The following RBMS3 variants were observed in gnomAD, a reference collection of about 807,000 sequenced individuals.
RBMS3 encodes RNA binding motif single stranded interacting protein 3, also known as RNA-binding motif, single-stranded-interacting protein 3.
In RBMS3, 27 loss-of-function variants were observed where a neutral mutation model predicts 66.8. That is an observed-to-expected ratio of 0.40 (90% CI 0.30 to 0.56). RBMS3 has a LOEUF of 0.56. Among genes scored for constraint, RBMS3 ranks in the 20% least tolerant of loss-of-function variants. The pLI, the probability that RBMS3 is intolerant of heterozygous loss-of-function variation, is 0.40. For synonymous variants in RBMS3, 188 were observed against 183.0 expected (o/e 1.03, Z -0.22); for missense variants, 513 against 549.5 (o/e 0.93, Z 0.66).
At chr3:29,830,049 A>G (rs1357887982) in intron 6 of RBMS3, among the ~76,000 whole-genome samples, 1 of 151,972 alleles carries the variant, frequency 6.6e-6, no homozygotes, top group Non-Finnish European at 1.5e-5. Flanking sequence ...AGAGAACACT[A>G]TTTTGTTAGC....
At chr3:29,925,470 G>A (rs1287771389) in intron 10 of RBMS3, among the ~76,000 whole-genome samples, 1 of 152,122 alleles carries the variant, frequency 6.6e-6, no homozygotes, top group Admixed American at 6.5e-5. Flanking sequence ...ATGGGTAAAG[G>A]CAGAAATCGT....
intron 1 of RBMS3, among the ~76,000 whole-genome samples, chr3:29,389,332 G>GA (rs1174594887): frequency 3.3e-5 from 5 of 152,104 alleles, no homozygotes; most frequent in Non-Finnish European, 7.4e-5. Flanking sequence ...ACTTAATGAG[G>GA]AAAAAATGGG....
At chr3:29,564,326 A>C (rs921783352) in intron 3 of RBMS3, among the ~76,000 whole-genome samples, 15 of 151,988 alleles carry the variant, frequency 9.9e-5, no homozygotes, top group African/African-American at 3.6e-4. Context: ...AAATACAAAA[A>C]ATACAAAAAA....
At chr3:29,453,576 C>T (rs2042081283) in intron 2 of RBMS3, among the ~76,000 whole-genome samples, 1 of 152,182 alleles carries the variant, frequency 6.6e-6, no homozygotes, top group Non-Finnish European at 1.5e-5. Context: ...CTCTTCCAGC[C>T]TCATGGTGGG....
chr3:29,835,091 A>C (rs1431896080), intron 6 of RBMS3, among the ~76,000 whole-genome samples: 1 of 152,080 alleles, frequency 6.6e-6, no homozygotes, highest in African/African-American at 2.4e-5. Context: ...GGACATAACA[A>C]TTGTAAATTT....
intron 4 of RBMS3, among the ~76,000 whole-genome samples, chr3:29,698,800 T>C (rs774094124): frequency 4.5e-4 from 69 of 152,160 alleles, no homozygotes; most frequent in Non-Finnish European, 7.2e-4. Flanking sequence ...TTGGATGTAA[T>C]TACACATTTT....
intron 2 of RBMS3, among the ~76,000 whole-genome samples, chr3:29,457,048 C>T (rs897033141): frequency 6.6e-5 from 10 of 152,256 alleles, no homozygotes; most frequent in Admixed American, 6.5e-4. Context: ...CAGCCATGCT[C>T]AGAGTCACAC....
intron 4 of RBMS3, among the ~76,000 whole-genome samples, chr3:29,639,921 G>A (rs1280647742): frequency 1.3e-5 from 2 of 151,650 alleles, no homozygotes; most frequent in Non-Finnish European, 2.9e-5. Context: ...AGATGACGGG[G>A]AGATATAAAA....
At chr3:29,699,695 T>C (rs1019482778) in intron 4 of RBMS3, among the ~76,000 whole-genome samples, 16 of 152,164 alleles carry the variant, frequency 1.1e-4, no homozygotes, top group African/African-American at 3.9e-4. Context: ...GTCCGCATAG[T>C]ATGGTAATAT....
intron 1 of RBMS3, among the ~76,000 whole-genome samples, chr3:29,380,286 T>C (rs1359188715): frequency 6.6e-6 from 1 of 151,980 alleles, no homozygotes; most frequent in African/African-American, 2.4e-5. Flanking sequence ...GGACATTTCT[T>C]AAAAATATCC....
At chr3:29,467,646 C>T (rs2042587154) in intron 2 of RBMS3, among the ~76,000 whole-genome samples, 1 of 152,130 alleles carries the variant, frequency 6.6e-6, no homozygotes, top group Non-Finnish European at 1.5e-5. Context: ...AAAAGCCAAG[C>T]TTAGAGTATA....
In RBMS3 at chr3:29,838,628, G is replaced by A. The variant is rs573346106; in HGVS notation, c.638-30230G>A. Reference sequence around the variant, plus strand: ...CATAAGACCATCTGAGACATTTGTCGCACATTTAACGCTGGAGGGTTTTAA... The same window carrying A: ...CATAAGACCATCTGAGACATTTGTCACACATTTAACGCTGGAGGGTTTTAA... On this transcript the variant is annotated intron_variant, in intron 6 of 14. Coordinates refer to ENST00000383767, the MANE Select transcript of RBMS3 (RefSeq NM_001003793.3). Among the ~76,000 whole-genome samples the A allele has an allele frequency of 9.8e-4, 149 of 152,144 alleles. 3 individuals are homozygous for A. The highest frequency in any genetic ancestry group is 2.1e-3 in the South Asian group (10 of 4,812).
chr3:29,848,233 A>G (rs1274123232), intron 6 of RBMS3, among the ~76,000 whole-genome samples: 1 of 152,210 alleles, frequency 6.6e-6, no homozygotes, highest in Admixed American at 6.5e-5. Context: ...GCACCTGGAC[A>G]GTCAGGCATA....
intron 2 of RBMS3, among the ~76,000 whole-genome samples, chr3:29,478,801 A>C (rs1041338826): frequency 2.0e-5 from 3 of 152,238 alleles, no homozygotes; most frequent in African/African-American, 7.2e-5. Flanking sequence ...ACACAGTTGT[A>C]CTAGAATGTG....
At chr3:29,854,274 C>A (rs1479802440) in intron 6 of RBMS3, among the ~76,000 whole-genome samples, 1 of 152,198 alleles carries the variant, frequency 6.6e-6, no homozygotes, top group Non-Finnish European at 1.5e-5. Context: ...GGGCCTGTCC[C>A]CGATGTCAAA....
chr3:29,446,536 G>A (rs1249131659), intron 2 of RBMS3, among the ~76,000 whole-genome samples: 1 of 151,784 alleles, frequency 6.6e-6, no homozygotes, highest in Non-Finnish European at 1.5e-5. Context: ...GAATATTCAT[G>A]GTATCAGAAT....
intron 12 of RBMS3, among the ~76,000 whole-genome samples, chr3:29,974,645 A>C (rs983742451): frequency 1.3e-5 from 2 of 151,504 alleles, no homozygotes; most frequent in African/African-American, 4.8e-5. Flanking sequence ...CCATTGCCAT[A>C]AATTTGTCTT....
chr3:29,302,603 G>T (rs896159438), intron 1 of RBMS3, among the ~76,000 whole-genome samples: 7 of 151,950 alleles, frequency 4.6e-5, no homozygotes, highest in African/African-American at 1.4e-4. Context: ...ATTTATCCAG[G>T]TATATGTAAA....
At chr3:29,721,441 G>A (rs989884801) in intron 4 of RBMS3, among the ~76,000 whole-genome samples, 1 of 152,106 alleles carries the variant, frequency 6.6e-6, no homozygotes, top group African/African-American at 2.4e-5. Context: ...ACCTTGGCAT[G>A]ACAGATTCTT....
Sources: allele counts gnomAD v4.1 joint callset (sites outside exome capture counted in the v4.1 genomes callset), GRCh38; gene constraint gnomAD v4.1.1; transcripts MANE v1.5; gene names NCBI Gene and HGNC (gene_info 2026-07-23, HGNC 2026-07-21).